SUCLG2: variants seen among roughly 807,000 people sequenced by gnomAD.
SUCLG2 encodes the protein succinate--CoA ligase [GDP-forming] subunit beta, mitochondrial.
A neutral mutation model predicts 47.9 loss-of-function variants in SUCLG2; 42 were observed. The ratio of observed to expected loss-of-function variants is 0.88; its 90% CI spans 0.69 to 1.14. The LOEUF is 1.14. SUCLG2 is among the 50% of genes most tolerant of loss of function. The probability of loss-of-function intolerance (pLI) is 0.00; values close to 1 mark genes in which losing one functional copy is unlikely to be tolerated. For missense variants in SUCLG2, 571 were observed against 525.9 expected (o/e 1.09, Z -0.84); for synonymous variants, 195 against 197.3 (o/e 0.99, Z 0.10).
intron 10 of SUCLG2, among the ~76,000 whole-genome samples, chr3:67,394,153 C>T (rs1212017182): frequency 1.1e-4 from 16 of 151,966 alleles, no homozygotes; most frequent in South Asian, 2.1e-4. Context: ...TCACCAGCAA[C>T]AGAACAAAGC....
intron 9 of SUCLG2, among the ~76,000 whole-genome samples, chr3:67,470,121 T>C (rs1704568666): frequency 6.6e-6 from 1 of 152,172 alleles, no homozygotes; most frequent in African/African-American, 2.4e-5. Context: ...ACAATGAGTT[T>C]AATTGTATGG....
chr3:67,401,198 A>G (rs745640432), intron 9 of SUCLG2, among the ~76,000 whole-genome samples: 1 of 152,034 alleles, frequency 6.6e-6, no homozygotes, highest in Non-Finnish European at 1.5e-5. Context: ...AATTTCTTGC[A>G]TTTAGGTTTT....
At chr3:67,649,675 A>G (rs559470870) in intron 1 of SUCLG2, among the ~76,000 whole-genome samples, 185 of 152,252 alleles carry the variant, frequency 1.2e-3, no homozygotes, top group Non-Finnish European at 2.2e-3. Flanking sequence ...ACAAACTCTC[A>G]AGATTAATCT....
intron 9 of SUCLG2, among the ~76,000 whole-genome samples, chr3:67,476,685 A>G (rs1162936388): frequency 6.6e-6 from 1 of 152,172 alleles, no homozygotes; most frequent in Non-Finnish European, 1.5e-5. Flanking sequence ...CCTGGTACCA[A>G]AATGGTTGGG....
chr3:67,549,574 T>C (rs1371474167), intron 2 of SUCLG2, among the ~76,000 whole-genome samples: 1 of 152,232 alleles, frequency 6.6e-6, no homozygotes, highest in Non-Finnish European at 1.5e-5. Context: ...GATCTTTACC[T>C]CCTTCTTTAT....
At chr3:67,439,981 T>C (rs541130096) in intron 9 of SUCLG2, among the ~76,000 whole-genome samples, 2 of 152,294 alleles carry the variant, frequency 1.3e-5, no homozygotes, top group African/African-American at 4.8e-5. Flanking sequence ...ATTCAAGCTA[T>C]GCTACAAGGC....
rs1024121140 is a variant in SUCLG2, at chr3:67,418,894, C to T, written c.1063-18043G>A. Among the ~76,000 whole-genome samples, 5 of 151,966 alleles carry T rather than the reference C, an allele frequency of 3.3e-5. No homozygotes were observed. The East Asian group carries it at 5.8e-4, about 18-fold the overall frequency. Reference sequence around the variant, plus strand: ...AAGTATTGAGAGAGAATTATCTAGTCGGGAATAAAGACACACAGGTGAATG... The same window carrying T: ...AAGTATTGAGAGAGAATTATCTAGTTGGGAATAAAGACACACAGGTGAATG... On this transcript the variant is annotated intron_variant, in intron 9 of 10. Coordinates refer to ENST00000307227, the MANE Select transcript of SUCLG2 (RefSeq NM_003848.4).
At position 67,538,923 on chromosome 3, in the gene SUCLG2, C is replaced by T. The variant is rs550095598; in HGVS notation, c.227-9737G>A. ...ACATTGACTTTGTATCCTGAGACTT[C>T]GCTGAAGTTCCTTATCAGCTTAAGG... On this transcript the variant is annotated intron_variant, in intron 2 of 10. Transcript: ENST00000307227. 9.2e-5 allele frequency among the ~76,000 whole-genome samples: 14 copies of T among 152,194 alleles called. No individual in the cohort carries two copies. The East Asian group carries it at 9.7e-4, about 11-fold the overall frequency.
chr3:67,454,961 CA>C (rs61683854), intron 9 of SUCLG2, among the ~76,000 whole-genome samples: 14,974 of 110,908 alleles, frequency 0.14, 701 homozygotes, highest in East Asian at 0.38. Flanking sequence ...GACTCCGTCT[CA>C]AAAAAAAAAA....
Position 67,427,942 on chromosome 3 carries a change from G to C in SUCLG2, c.1063-27091C>G, listed in dbSNP as rs567562006. Among the ~76,000 whole-genome samples, 4 of 152,346 alleles carry C rather than the reference G, an allele frequency of 2.6e-5. 1 individual carries two copies. Among genetic ancestry groups the C allele is most frequent in the African/African-American group, 7.2e-5 (3 of 41,580 alleles). ...GGGGCGTCCACCATTGCTGAGGCTT[G>C]AGTAGGTAAACGAAGCAGCCAGAAA... On this transcript the variant is annotated intron_variant, in intron 9 of 10. Transcript: ENST00000307227.
intron 1 of SUCLG2, among the ~76,000 whole-genome samples, chr3:67,627,919 T>G (rs1700862636): frequency 1.3e-5 from 2 of 152,188 alleles, no homozygotes; most frequent in Admixed American, 1.3e-4. Context: ...TTCAACCTCT[T>G]CCTTTTATCT....
intron 2 of SUCLG2, among the ~76,000 whole-genome samples, chr3:67,546,886 G>C (rs1160558506): frequency 6.6e-6 from 1 of 152,206 alleles, no homozygotes; most frequent in Non-Finnish European, 1.5e-5. Flanking sequence ...GGGTTACAGA[G>C]TGAGACTCCA....
intron 2 of SUCLG2, among the ~76,000 whole-genome samples, chr3:67,600,602 G>A (rs574205173): frequency 6.6e-6 from 1 of 152,324 alleles, no homozygotes; most frequent in East Asian, 1.9e-4. Context: ...ACTTTCAGAA[G>A]AGACCACTAC....
intron 9 of SUCLG2, among the ~76,000 whole-genome samples, chr3:67,430,872 G>C (rs1019843716): frequency 2.0e-5 from 3 of 152,058 alleles, no homozygotes; most frequent in Admixed American, 6.5e-5. Flanking sequence ...TAAATTCCTG[G>C]ACACATACAC....
chr3:67,531,267 C>T (rs1468817635), intron 2 of SUCLG2, among the ~76,000 whole-genome samples: 2 of 152,176 alleles, frequency 1.3e-5, no homozygotes, highest in Admixed American at 1.3e-4. Context: ...GCTGTCTACT[C>T]AAATTTTTAA....
intron 9 of SUCLG2, among the ~76,000 whole-genome samples, chr3:67,484,478 T>A (rs747187178): frequency 3.3e-5 from 5 of 152,250 alleles, no homozygotes; most frequent in Non-Finnish European, 7.3e-5. Flanking sequence ...TACCATGTTC[T>A]ATGTACCATT....
chr3:67,609,721 A>G, intron 1 of SUCLG2, 125 bp from the exon 2 acceptor site: 1 of 828,872 alleles, frequency 1.2e-6, no homozygotes, highest in Non-Finnish European at 1.7e-6. Context: ...TGAGAGAAGC[A>G]AAAGAAAAAA....
chr3:67,541,202 T>C (rs1209593692), intron 2 of SUCLG2, among the ~76,000 whole-genome samples: 1 of 152,166 alleles, frequency 6.6e-6, no homozygotes, highest in Non-Finnish European at 1.5e-5. Flanking sequence ...GGATGAAGAA[T>C]GAGTTTGATG....
chr3:67,544,168 A>AT (rs1385135772), intron 2 of SUCLG2, among the ~76,000 whole-genome samples: 1 of 152,222 alleles, frequency 6.6e-6, no homozygotes, highest in Non-Finnish European at 1.5e-5. Flanking sequence ...ATTACTGAAA[A>AT]TTTTTAATTT....
Sources: allele counts gnomAD v4.1 joint callset (sites outside exome capture counted in the v4.1 genomes callset), GRCh38; gene constraint gnomAD v4.1.1; transcripts MANE v1.5; gene names NCBI Gene and HGNC (gene_info 2026-07-23, HGNC 2026-07-21).